Variants in ZBBX observed in about 807,000 individuals in gnomAD.
The protein encoded by ZBBX is zinc finger B-box domain containing, also known as zinc finger B-box domain-containing protein 1.
In ZBBX, 101 loss-of-function variants were observed where a neutral mutation model predicts 108.5. That is an observed-to-expected ratio of 0.93 (90% CI 0.79 to 1.10). The LOEUF (loss-of-function observed/expected upper bound fraction) is 1.10. ZBBX is among the 50% of genes least tolerant of loss of function. ZBBX has a pLI of 0.00. For synonymous variants in ZBBX, 356 were observed against 323.4 expected, an observed-to-expected ratio of 1.10 and a Z score of -1.08; for missense variants, 1,009 against 941.4, an observed-to-expected ratio of 1.07 and a Z score of -0.94.
At position 167,240,624 on chromosome 3, in the gene ZBBX, A is replaced by T. The variant is rs1418842552; in HGVS notation, c.*169T>A. On this transcript the variant is annotated 3_prime_UTR_variant, in exon 22 of 22. Coordinates refer to ENST00000675490, the MANE Select transcript of ZBBX (RefSeq NM_001199201.2). Reference sequence around the variant, plus strand: ...TGACATATAATATATCATTGGAAGAATAAGCCCTTGAACTTATAATTTTAC... The same window carrying T: ...TGACATATAATATATCATTGGAAGATTAAGCCCTTGAACTTATAATTTTAC... 1.6e-6 allele frequency: 1 copy of T among 632,866 alleles called. No individual in the cohort carries two copies. Among genetic ancestry groups the T allele is most frequent in the Non-Finnish European group, 2.6e-6 (1 of 388,616 alleles). The allele number at this position is 632,866 out of a possible 1,614,324, so 39.2% of individuals were successfully genotyped here. A position where few individuals can be genotyped will look rare whatever the true frequency, so the allele number is the denominator to read the frequency against.
chr3:167,321,435 A>C (rs921187637), intron 12 of ZBBX, among the ~76,000 whole-genome samples: 1 of 152,008 alleles, frequency 6.6e-6, no homozygotes, highest in African/African-American at 2.4e-5. Context: ...GGAATGGGCC[A>C]CCTCGGGAGA....
chr3:167,246,853 A>C (rs1284270860), intron 20 of ZBBX, among the ~76,000 whole-genome samples: 1 of 152,220 alleles, frequency 6.6e-6, no homozygotes, highest in Non-Finnish European at 1.5e-5. Flanking sequence ...TGTGGAAGGA[A>C]TAGTAAGTGG....
chr3:167,218,372 G>A, the ZBBX span, among the ~76,000 whole-genome samples: 1 of 151,986 alleles, frequency 6.6e-6, no homozygotes, highest in African/African-American at 2.4e-5. Flanking sequence ...CATATCTTCA[G>A]TAGAACAATT....
At chr3:167,185,888 G>A in the ZBBX span, among the ~76,000 whole-genome samples, 1 of 151,962 alleles carries the variant, frequency 6.6e-6, no homozygotes, top group East Asian at 1.9e-4. Context: ...CTCATTGGTG[G>A]ACATTTGGGC....
At chr3:167,299,959 T>C (rs923353497) in intron 17 of ZBBX, among the ~76,000 whole-genome samples, 3 of 152,152 alleles carry the variant, frequency 2.0e-5, no homozygotes, top group Non-Finnish European at 4.4e-5. Flanking sequence ...GCTTTTCACC[T>C]TTTGTTTTGC....
chr3:167,283,485 G>A (rs1289365384), intron 19 of ZBBX, among the ~76,000 whole-genome samples: 1 of 152,028 alleles, frequency 6.6e-6, no homozygotes, highest in African/African-American at 2.4e-5. Flanking sequence ...TATTAGGTGG[G>A]TGCAATTGTC....
the ZBBX span, among the ~76,000 whole-genome samples, chr3:167,226,565 G>A: frequency 6.6e-6 from 1 of 151,660 alleles, no homozygotes; most frequent in Non-Finnish European, 1.5e-5. Flanking sequence ...AAAATCTGTT[G>A]GAAACAGATT....
upstream of ZBBX, among the ~76,000 whole-genome samples, chr3:167,381,520 T>C (rs1241423499): frequency 2.0e-5 from 3 of 152,192 alleles, no homozygotes; most frequent in African/African-American, 4.8e-5. Flanking sequence ...CTATGATGGT[T>C]GCTATTAACG....
intron 20 of ZBBX, among the ~76,000 whole-genome samples, chr3:167,274,277 TTCAC>T (rs774074136): frequency 3.9e-5 from 6 of 152,174 alleles, no homozygotes; most frequent in Non-Finnish European, 7.3e-5. Flanking sequence ...GGCCCCAATC[TTCAC>T]TTCTCTTGCA....
At chr3:167,367,968 G>GTATA (rs927024323) in intron 5 of ZBBX, among the ~76,000 whole-genome samples, 442 of 21,888 alleles carry the variant, frequency 0.02, 8 homozygotes, top group Admixed American at 0.03. Context: ...TTATATATAT[G>GTATA]TATATATATA....
intron 9 of ZBBX, among the ~76,000 whole-genome samples, chr3:167,336,686 C>T (rs1445058800): frequency 1.3e-5 from 2 of 152,058 alleles, no homozygotes; most frequent in Admixed American, 1.3e-4. Context: ...ATGTGTTTTA[C>T]CTTTGATTTC....
At chr3:167,224,809 C>A in the ZBBX span, among the ~76,000 whole-genome samples, 1 of 151,854 alleles carries the variant, frequency 6.6e-6, no homozygotes, top group Admixed American at 6.6e-5. Context: ...CCCAATTTAA[C>A]TTAAAACTTC....
chr3:167,227,786 CATT>C, the ZBBX span, among the ~76,000 whole-genome samples: 1 of 151,684 alleles, frequency 6.6e-6, no homozygotes. Flanking sequence ...ACATGTATCC[CATT>C]ATTTCTGAGC....
At chr3:167,232,357 T>C in the ZBBX span, among the ~76,000 whole-genome samples, 2,016 of 151,940 alleles carry the variant, frequency 0.013, 52 homozygotes, top group African/African-American at 0.046. Context: ...TATTTGCAGA[T>C]AAATGGCTCG....
intron 9 of ZBBX, among the ~76,000 whole-genome samples, chr3:167,350,072 A>G (rs1333222313): frequency 1.3e-5 from 2 of 152,008 alleles, no homozygotes; most frequent in Non-Finnish European, 2.9e-5. Flanking sequence ...ATTTATACCT[A>G]AAAACTATAG....
intron 16 of ZBBX, among the ~76,000 whole-genome samples, chr3:167,311,329 TA>T (rs1734558948): frequency 6.6e-6 from 1 of 151,996 alleles, no homozygotes; most frequent in African/African-American, 2.4e-5. Flanking sequence ...CACCTGAATA[TA>T]AAATGCAAAG....
chr3:167,233,665 G>T, the ZBBX span, among the ~76,000 whole-genome samples: 1 of 151,728 alleles, frequency 6.6e-6, no homozygotes. Context: ...TCTTGAGTGG[G>T]TATCTCTACT....
At chr3:167,221,328 A>G in the ZBBX span, among the ~76,000 whole-genome samples, 1 of 152,032 alleles carries the variant, frequency 6.6e-6, no homozygotes, top group South Asian at 2.1e-4. Context: ...CACATAGACC[A>G]ATGGAATGGA....
the ZBBX span, among the ~76,000 whole-genome samples, chr3:167,217,710 C>T: frequency 6.6e-6 from 1 of 152,050 alleles, no homozygotes; most frequent in Non-Finnish European, 1.5e-5. Context: ...ATAAAATCAA[C>T]CTAAATGCCC....
Sources: gnomAD v4.1 joint callset for allele counts (sites outside exome capture counted in the v4.1 genomes callset) on GRCh38, gnomAD v4.1.1 for gene constraint, MANE v1.5 for transcripts, NCBI Gene and HGNC (gene_info 2026-07-23, HGNC 2026-07-21) for gene names.